Variants in CANX observed in about 807,000 individuals in gnomAD.
The protein encoded by CANX is epididymis secretory sperm binding protein.
Under a neutral mutation model 75.7 loss-of-function variants are expected in CANX, and 14 were observed. That is an observed-to-expected ratio of 0.19 (90% CI 0.12 to 0.29). CANX has a LOEUF of 0.29. Among genes scored for constraint, CANX ranks in the 10% least tolerant of loss-of-function variants. The pLI is 1.00. For missense variants in CANX, 567 were observed against 713.2 expected (o/e 0.79, Z 2.34); for synonymous variants, 227 against 236.9 (o/e 0.96, Z 0.38).
chr5:179,679,110 G>A lies in CANX; in HGVS notation c.-4+333G>A, dbSNP rs1046150925. On this transcript the variant is annotated intron_variant, in intron 1 of 14. Coordinates refer to the CANX transcript ENST00000681674. ...AGCGTCTGCCACAGGCGGCTGGCATGGCTCGTAGCCGAGCACTCGAAGGTT... is the reference window on the plus strand; with the variant it reads ...AGCGTCTGCCACAGGCGGCTGGCATAGCTCGTAGCCGAGCACTCGAAGGTT... 37 of 1,535,732 alleles carry A rather than the reference G, an allele frequency of 2.4e-5. 1 individual carries two copies. In the Admixed American group the frequency reaches 5.5e-4, roughly 23 times the overall value.
intron 7 of CANX, among the ~76,000 whole-genome samples, chr5:179,712,914 A>AT (rs59991190): frequency 9.9e-5 from 14 of 141,598 alleles, no homozygotes; most frequent in Admixed American, 2.1e-4. Flanking sequence ...TATTATTATT[A>AT]TTTTTTTTTT....
intron 1 of CANX, among the ~76,000 whole-genome samples, chr5:179,704,713 G>A (rs866819989): frequency 1.4e-4 from 21 of 152,032 alleles, no homozygotes; most frequent in African/African-American, 4.8e-4. Context: ...GTGGGTGCCT[G>A]TAATCACAGC....
At chr5:179,699,161 C>T (rs1453877758) in intron 1 of CANX, 59 bp downstream of exon 1, 2 of 956,848 alleles carry the variant, frequency 2.1e-6, no homozygotes, top group Non-Finnish European at 2.5e-6. Flanking sequence ...GGGCTGGGAG[C>T]GCCTCTGCGG....
chr5:179,691,258 C>T (rs538740708), intron 1 of CANX, among the ~76,000 whole-genome samples: 10 of 152,130 alleles, frequency 6.6e-5, no homozygotes, highest in African/African-American at 2.4e-4. Context: ...CTCCTGGCCT[C>T]GAGTGATCCA....
Position 179,724,799 on chromosome 5 carries a change from C to T in CANX, c.1645+16C>T. 6.3e-7 allele frequency: 1 copy of T among 1,595,384 alleles called. No individual in the cohort carries two copies. The highest frequency in any genetic ancestry group is 8.5e-7 in the Non-Finnish European group (1 of 1,170,170). Reference sequence around the variant, plus strand: ...GAGAAACTTGGTAAGAAACAGAGTCCAGAAAATCTGCTTTAAGCCAAGACC... The same window carrying T: ...GAGAAACTTGGTAAGAAACAGAGTCTAGAAAATCTGCTTTAAGCCAAGACC... On this transcript the variant is annotated intron_variant, in intron 13 of 14. Coordinates refer to ENST00000247461, the MANE Select transcript of CANX (RefSeq NM_001746.4).
chr5:179,716,435 G>A, intron 8 of CANX, 141 bp downstream of exon 8: 1 of 632,264 alleles, frequency 1.6e-6, no homozygotes, highest in South Asian at 2.1e-5. Flanking sequence ...AAAATATAGA[G>A]TACTATAGCT....
intron 1 of CANX, among the ~76,000 whole-genome samples, chr5:179,701,887 C>G (rs1050728875): frequency 6.6e-6 from 1 of 151,348 alleles, no homozygotes; most frequent in Non-Finnish European, 1.5e-5. Context: ...CTACAGGTGC[C>G]CACCACCACA....
At chr5:179,726,644 A>C in intron 13 of CANX, 36 bp from the exon 14 acceptor site, 1 of 1,431,338 alleles carries the variant, frequency 7.0e-7, no homozygotes. Flanking sequence ...ACCAAAAATA[A>C]TAAGGTTTTG....
At chr5:179,700,456 ATAAT>A (rs1180327980) in intron 1 of CANX, 1 of 152,206 alleles carries the variant, frequency 6.6e-6, no homozygotes, top group East Asian at 1.9e-4. Context: ...TACATTTGGT[ATAAT>A]TATACTTAGA....
intron 14 of CANX, among the ~76,000 whole-genome samples, chr5:179,727,858 AG>A (rs1778763532): frequency 6.6e-6 from 1 of 152,128 alleles, no homozygotes; most frequent in African/African-American, 2.4e-5. Context: ...TATGAGAGAA[AG>A]GGAACAGTCA....
intron 9 of CANX, among the ~76,000 whole-genome samples, chr5:179,720,050 C>CA (rs750446259): frequency 2.0e-5 from 3 of 151,882 alleles, no homozygotes; most frequent in Non-Finnish European, 4.4e-5. Context: ...AGGCTGGTCT[C>CA]AAAGTCCTGA....
At chr5:179,685,148 G>A (rs111871381) in intron 1 of CANX, among the ~76,000 whole-genome samples, 1 of 151,722 alleles carries the variant, frequency 6.6e-6, no homozygotes, top group African/African-American at 2.4e-5. Context: ...ACCCAGGCTG[G>A]AGCGCAGTGG....
At chr5:179,687,363 A>G (rs1776208432) in intron 1 of CANX, among the ~76,000 whole-genome samples, 1 of 152,018 alleles carries the variant, frequency 6.6e-6, no homozygotes, top group African/African-American at 2.4e-5. Context: ...TCGGCCTCCC[A>G]AAGTGCTGGG....
chr5:179,707,297 T>C, intron 4 of CANX, 107 bp downstream of exon 4: 2 of 747,960 alleles, frequency 2.7e-6, no homozygotes, highest in Non-Finnish European at 4.8e-6. Flanking sequence ...GCTTTAAGAT[T>C]TTTCCAGCCA....
Position 179,703,608 on chromosome 5 carries a change from T to A in CANX, c.-3-2071T>A, listed in dbSNP as rs551551968. Among the ~76,000 whole-genome samples, 5 of 152,200 alleles carry A rather than the reference T, an allele frequency of 3.3e-5. No homozygotes were observed. In the South Asian group the frequency reaches 8.3e-4, roughly 25 times the overall value. On this transcript the variant is annotated intron_variant, in intron 1 of 14. Transcript: ENST00000247461. ...GTGTGCTACCATACCTGGCTAAATT[T>A]TTCTTTTTTTGATTTTTTGTAGAGA...
Position 179,684,926 on chromosome 5 carries a change from A to ATTTTTTTTTTTTTT in CANX, c.-4+6166_-4+6179dup, listed in dbSNP as rs71001039. 1.0e-3 allele frequency among the ~76,000 whole-genome samples: 51 copies of ATTTTTTTTTTTTTT among 49,146 alleles called. 3 individuals are homozygous for ATTTTTTTTTTTTTT. Among genetic ancestry groups the ATTTTTTTTTTTTTT allele is most frequent in the East Asian group, 2.5e-3 (3 of 1,182 alleles). 32.2% of individuals were successfully genotyped at this position (49,146 alleles called of 152,430 possible). A position where few individuals can be genotyped will look rare whatever the true frequency, so the allele number is the denominator to read the frequency against. On this transcript the variant is annotated intron_variant, in intron 1 of 14. Transcript: ENST00000681674. ...TGCCACCACACCTGGCTAATTTTGT[A>ATTTTTTTTTTTTTT]TTTTTTTTTTTTTTTTTTTTTTTTT...
rs555502467 is a variant in CANX, at chr5:179,729,984, C to T, written c.*1340C>T. 8.5e-5 allele frequency: 13 copies of T among 152,422 alleles called. No individual in the cohort carries two copies. Among genetic ancestry groups the T allele is most frequent in the Admixed American group, 5.2e-4 (8 of 15,266 alleles). 9.4% of individuals were successfully genotyped at this position (152,422 alleles called of 1,614,324 possible). The stretch of plus-strand genomic sequence containing the variant: ...CAGTCCTGTTCAAATTTTTTTTTAA[C>T]GTGGCTTGTAGAATTTTTAAAAAAG... On this transcript the variant is annotated 3_prime_UTR_variant, in exon 15 of 15. Transcript: ENST00000247461.
At chr5:179,679,927 C>T (rs1254334742) in intron 1 of CANX, among the ~76,000 whole-genome samples, 1 of 147,696 alleles carries the variant, frequency 6.8e-6, no homozygotes, top group African/African-American at 2.5e-5. Context: ...CCAAAGTGCC[C>T]GGATTACAGG....
chr5:179,723,440 A>T (rs1419486673), intron 11 of CANX: 5 of 489,000 alleles, frequency 1.0e-5, no homozygotes, highest in Non-Finnish European at 1.8e-5. Flanking sequence ...GGTGATGTAG[A>T]AGCCAGCTTT....
Sources: allele counts gnomAD v4.1 joint callset (sites outside exome capture counted in the v4.1 genomes callset), GRCh38; gene constraint gnomAD v4.1.1; transcripts MANE v1.5; gene names NCBI Gene and HGNC (gene_info 2026-07-23, HGNC 2026-07-21).